Variants in STARD9 observed in about 807,000 individuals in gnomAD.
The protein encoded by STARD9 is StAR related lipid transfer domain containing 9, also known as stAR-related lipid transfer protein 9.
Under a neutral mutation model 399.8 loss-of-function variants are expected in STARD9, and 346 were observed. The ratio of observed to expected loss-of-function variants is 0.87; its 90% CI spans 0.79 to 0.95. STARD9 has a LOEUF of 0.95. Among genes scored for constraint, STARD9 ranks in the 40% least tolerant of loss-of-function variants. The pLI is 0.00. For synonymous variants in STARD9, 2,203 were observed against 2,143.5 expected, an observed-to-expected ratio of 1.03 and a Z score of -0.77; for missense variants, 5,832 against 5,667.5, an observed-to-expected ratio of 1.03 and a Z score of -0.93.
intron 7 of STARD9, among the ~76,000 whole-genome samples, chr15:42,645,775 C>T (rs1441340226): frequency 6.6e-6 from 1 of 152,042 alleles, no homozygotes; most frequent in Non-Finnish European, 1.5e-5. Context: ...CTTGTGGGCT[C>T]AAGAGATCCA....
At position 42,575,804 on chromosome 15, in the gene STARD9, C is replaced by T. The variant is rs554189330; in HGVS notation, c.47+42C>T. ...GAGGGCGCCTGAGGCTTCACAGGAG[C>T]TGAAAAGAGCGGGAGGTCCGCGTCT... On this transcript the variant is annotated intron_variant, in intron 1 of 32. Transcript: ENST00000290607. The T allele has an allele frequency of 9.3e-5, 142 of 1,530,456 alleles. No homozygotes were observed. The African/African-American group carries it at 1.8e-3, about 20-fold the overall frequency. The allele number at this position is 1,530,456 out of a possible 1,614,324, so 94.8% of individuals were successfully genotyped here.
chr15:42,604,496 C>G (rs1285413711), intron 3 of STARD9, among the ~76,000 whole-genome samples: 1 of 152,068 alleles, frequency 6.6e-6, no homozygotes, highest in Non-Finnish European at 1.5e-5. Context: ...GAGAGAATTA[C>G]TCCACAGTGT....
intron 16 of STARD9, chr15:42,671,434 T>G (rs781544492): frequency 2.0e-5 from 3 of 152,188 alleles, no homozygotes; most frequent in Non-Finnish European, 4.4e-5. Context: ...AGCCTTTATT[T>G]CTGACACAAG....
intron 26 of STARD9, among the ~76,000 whole-genome samples, chr15:42,696,694 A>G (rs964678139): frequency 2.0e-5 from 3 of 152,210 alleles, no homozygotes; most frequent in Non-Finnish European, 4.4e-5. Context: ...GGGCACTGCT[A>G]GTGAAGACGA....
chr15:42,685,790 GCTC>G lies in STARD9; in HGVS notation c.4216_4218del (p.Leu1406del). On this transcript the variant is annotated inframe_deletion, in exon 23 of 33. Transcript: ENST00000290607. ...CCAAACTGCACCAAGGCAGTACTGA[GCTC>G]CTCTGCAGTGCAAGAGATGAGCACA... 2.0e-6 allele frequency: 3 copies of G among 1,537,312 alleles called. No individual in the cohort carries two copies.
Position 42,685,186 on chromosome 15 carries a change from C to A in STARD9, c.3608C>A (p.Ser1203Tyr). 1.3e-6 allele frequency: 2 copies of A among 1,537,140 alleles called. No homozygotes were observed. Among genetic ancestry groups the A allele is most frequent in the Middle Eastern group, 3.3e-4 (2 of 5,990 alleles). Residue 1203 changes from serine (S) to tyrosine (Y), a missense_variant, in exon 23 of 33, where the codon TCC becomes TAC. Coordinates refer to ENST00000290607, the MANE Select transcript of STARD9 (RefSeq NM_020759.3). ...CTTGCTCAAACTCATAGGAGCTTCT[C>A]CTTGGATAGCCTGATTGATGCAGAG... ...DLLAQTHRSF[S>Y]LDSLIDAEEE...
At chr15:42,663,980 T>C (rs1168756176) in intron 13 of STARD9, 63 bp downstream of exon 13, 17 of 1,136,036 alleles carry the variant, frequency 1.5e-5, no homozygotes, top group South Asian at 1.2e-4. Flanking sequence ...TATTTTTTTT[T>C]CTCTCGTGAT....
intron 26 of STARD9, among the ~76,000 whole-genome samples, chr15:42,710,903 C>A (rs904100911): frequency 1.6e-5 from 2 of 124,316 alleles, no homozygotes; most frequent in Non-Finnish European, 3.0e-5. Context: ...CTCTCTCTCT[C>A]TCTCTCTCTC....
At chr15:42,658,037 C>T (rs1195628434) in intron 9 of STARD9, among the ~76,000 whole-genome samples, 1 of 152,156 alleles carries the variant, frequency 6.6e-6, no homozygotes, top group African/African-American at 2.4e-5. Context: ...TTAGGAGAAC[C>T]TTTGTGATTC....
chr15:42,640,271 G>T (rs1348532428), intron 7 of STARD9, among the ~76,000 whole-genome samples: 1 of 152,158 alleles, frequency 6.6e-6, no homozygotes, highest in African/African-American at 2.4e-5. Flanking sequence ...ATCAAGAGCC[G>T]GTCTTTTCTC....
chr15:42,673,882 T>C (rs1271966526), intron 16 of STARD9: 2 of 455,986 alleles, frequency 4.4e-6, no homozygotes, highest in African/African-American at 4.0e-5. Context: ...TCTTTTTTAT[T>C]CTAGAGGTGC....
Position 42,690,818 on chromosome 15 carries a change from G to T in STARD9, c.9240G>T (p.Gly3080=). The T allele has an allele frequency of 6.5e-7, 1 of 1,537,180 alleles. No homozygotes were observed. The highest frequency in any genetic ancestry group is 8.7e-7 in the Non-Finnish European group (1 of 1,146,912). ...FSHSATDGSV[G]LIGVPEKKVA... ...ACTCAGCTACTGATGGAAGCGTGGGGTTAATAGGGGTTCCTGAGAAAAAGG... is the reference window on the plus strand; with the variant it reads ...ACTCAGCTACTGATGGAAGCGTGGGTTTAATAGGGGTTCCTGAGAAAAAGG... The change falls in exon 23 of 33, where the codon GGG becomes GGT. Residue 3080 remains glycine (G), a synonymous_variant. Coordinates refer to ENST00000290607, the MANE Select transcript of STARD9 (RefSeq NM_020759.3).
chr15:42,642,702 C>T (rs968002375), intron 7 of STARD9, among the ~76,000 whole-genome samples: 20 of 152,138 alleles, frequency 1.3e-4, no homozygotes, highest in African/African-American at 4.8e-4. Context: ...GAAAGCTTCA[C>T]CATTTTACCA....
At chr15:42,616,267 C>A (rs918105885) in intron 3 of STARD9, among the ~76,000 whole-genome samples, 1 of 152,314 alleles carries the variant, frequency 6.6e-6, no homozygotes, top group Non-Finnish European at 1.5e-5. Context: ...ACTCCAAAAA[C>A]GATCAACAAA....
At chr15:42,644,364 G>C (rs2059604476) in intron 7 of STARD9, among the ~76,000 whole-genome samples, 2 of 151,968 alleles carry the variant, frequency 1.3e-5, no homozygotes, top group Non-Finnish European at 2.9e-5. Flanking sequence ...GTGGTGGCGG[G>C]CACCTGTAGT....
At chr15:42,712,574 T>C (rs1231442870) in intron 26 of STARD9, among the ~76,000 whole-genome samples, 1 of 152,210 alleles carries the variant, frequency 6.6e-6, no homozygotes, top group Admixed American at 6.5e-5. Flanking sequence ...TAAAAGATTA[T>C]TATTTCCCCC....
chr15:42,675,473 A>G (rs748698686), intron 18 of STARD9, 191 bp from the exon 19 acceptor site: 12 of 576,792 alleles, frequency 2.1e-5, no homozygotes, highest in African/African-American at 3.7e-5. Flanking sequence ...GGAATAGTAG[A>G]GTTCTTCCTG....
rs1038810422 is a variant in STARD9 at position 42,686,643 on chromosome 15, G to T, written c.5065G>T (p.Asp1689Tyr). Residue 1689 changes from aspartate (D) to tyrosine (Y), a missense_variant, in exon 23 of 33, where the codon GAC becomes TAC. By Grantham distance (160) the Asp-to-Tyr change is radical. This residue lies in a region of STARD9 where 5,828 missense variants were observed against 5,651.1 expected (regional missense o/e 1.03). Transcript: ENST00000290607. ...AGTCCAGCCAGGGCAATTAAGTCCCGACAGCCACTACCCACTAGAGGAAGA... is the reference window on the plus strand; with the variant it reads ...AGTCCAGCCAGGGCAATTAAGTCCCTACAGCCACTACCCACTAGAGGAAGA... The part of the protein sequence containing the change: ...SAVQPGQLSP[D>Y]SHYPLEEEKT... 11 of 1,537,192 alleles carry T rather than the reference G, an allele frequency of 7.2e-6. No individual in the cohort carries two copies. The highest frequency in any genetic ancestry group is 9.6e-6 in the Non-Finnish European group (11 of 1,146,920).
rs1370433009 is a variant in STARD9, at chr15:42,692,627, CCT to C, written c.11053_11054del (p.Ser3685ThrfsTer32). The C allele has an allele frequency of 6.5e-7, 1 of 1,537,116 alleles. No individual in the cohort carries two copies. Among genetic ancestry groups the C allele is most frequent in the Non-Finnish European group, 8.7e-7 (1 of 1,146,930 alleles). ...WTSMHNLSLH[L>X]SQLLHSTSEL... is the part of the protein sequence containing the mutation. Reference sequence around the variant, plus strand: ...CCAGCATGCACAATCTGTCTCTCCACCTCTCACAGCTCCTGCACAGTACCTCA... The same window carrying C: ...CCAGCATGCACAATCTGTCTCTCCACCTCACAGCTCCTGCACAGTACCTCA... On this transcript the variant is annotated frameshift_variant, in exon 23 of 33. Transcript: ENST00000290607. LOFTEE classifies it high-confidence loss of function.
Sources: gnomAD v4.1 joint callset for allele counts (sites outside exome capture counted in the v4.1 genomes callset) on GRCh38, gnomAD v4.1.1 for gene constraint, gnomAD v4.1.1 regional missense constraint, MANE v1.5 for transcripts, NCBI Gene and HGNC (gene_info 2026-07-23, HGNC 2026-07-21) for gene names.